Variants in RBPMS observed in about 807,000 individuals in gnomAD.
The protein encoded by RBPMS is RNA-binding protein with multiple splicing.
Under a neutral mutation model 26.8 loss-of-function variants are expected in RBPMS, and 7 were observed. The ratio of observed to expected loss-of-function variants is 0.26; its 90% confidence interval spans 0.15 to 0.49. The LOEUF is 0.49. Among genes scored for constraint, RBPMS ranks in the 20% least tolerant of loss-of-function variants. RBPMS has a pLI of 0.98. For synonymous variants in RBPMS, 96 were observed against 93.3 expected, an observed-to-expected ratio of 1.03 and a Z score of -0.17; for missense variants, 186 against 250.0, an observed-to-expected ratio of 0.74 and a Z score of 1.73.
At chr8:30,422,103 T>TTTTTA (rs1259603159) in intron 1 of RBPMS, among the ~76,000 whole-genome samples, 4 of 151,644 alleles carry the variant, frequency 2.6e-5, no homozygotes, top group Admixed American at 6.6e-5. Context: ...TTTTCTTATT[T>TTTTTA]TTTTATTTTA....
At chr8:30,422,570 T>A (rs915025293) in intron 1 of RBPMS, among the ~76,000 whole-genome samples, 16 of 152,294 alleles carry the variant, frequency 1.1e-4, no homozygotes, top group Non-Finnish European at 2.2e-4. Context: ...TCACCTGGCC[T>A]GCTGTTATTT....
chr8:30,560,382 TGA>T (rs1827356467), intron 7 of RBPMS, among the ~76,000 whole-genome samples: 1 of 152,108 alleles, frequency 6.6e-6, no homozygotes, highest in Non-Finnish European at 1.5e-5. Context: ...GTAATGGGCA[TGA>T]GAGTGTCGGA....
At chr8:30,556,184 C>G (rs963082782) in intron 6 of RBPMS, 2 of 985,420 alleles carry the variant, frequency 2.0e-6, no homozygotes, top group South Asian at 9.4e-5. Flanking sequence ...GTCCGCCACC[C>G]GCCACCACAT....
chr8:30,533,399 C>A, intron 5 of RBPMS, among the ~76,000 whole-genome samples: 1 of 152,320 alleles, frequency 6.6e-6, no homozygotes, highest in Middle Eastern at 3.4e-3. Context: ...ATTTTTAAAA[C>A]ATGAATGAAT....
At chr8:30,393,698 A>G (rs1438004326) in intron 1 of RBPMS, among the ~76,000 whole-genome samples, 3 of 151,998 alleles carry the variant, frequency 2.0e-5, no homozygotes, top group African/African-American at 4.8e-5. Context: ...TTGTATTTTT[A>G]GTAGAGACAG....
chr8:30,486,548 G>A (rs538955357), intron 4 of RBPMS, among the ~76,000 whole-genome samples: 1 of 151,900 alleles, frequency 6.6e-6, no homozygotes, highest in South Asian at 2.1e-4. Context: ...CAGGAGAATC[G>A]CTTGAACCCG....
intron 1 of RBPMS, among the ~76,000 whole-genome samples, chr8:30,389,341 C>T (rs1807499926): frequency 6.6e-6 from 1 of 152,150 alleles, no homozygotes; most frequent in African/African-American, 2.4e-5. Context: ...CTTCTTCATT[C>T]CCAGTGGCAT....
At chr8:30,411,664 G>GAAAAAAA (rs796071124) in intron 1 of RBPMS, among the ~76,000 whole-genome samples, 9 of 28,188 alleles carry the variant, frequency 3.2e-4, no homozygotes, top group South Asian at 7.5e-4. Flanking sequence ...CCCTGTCTCA[G>GAAAAAAA]AAAAAAAAAA....
intron 4 of RBPMS, among the ~76,000 whole-genome samples, chr8:30,487,351 C>G (rs552972743): frequency 6.6e-6 from 1 of 152,194 alleles, no homozygotes; most frequent in African/African-American, 2.4e-5. Context: ...AACTTTTGCT[C>G]CACAAAGCTA....
chr8:30,517,719 A>G (rs146780663), intron 5 of RBPMS, among the ~76,000 whole-genome samples: 57 of 152,370 alleles, frequency 3.7e-4, no homozygotes, highest in African/African-American at 1.3e-3. Flanking sequence ...TGTGTAAGGT[A>G]GAGCAAGTGT....
chr8:30,486,279 G>A (rs1316899092), intron 4 of RBPMS, among the ~76,000 whole-genome samples: 1 of 151,982 alleles, frequency 6.6e-6, no homozygotes, highest in East Asian at 1.9e-4. Context: ...GGCGGAGGTT[G>A]CAGTGAGCCA....
At position 30,566,239 on chromosome 8, in the gene RBPMS, G is replaced by C; in HGVS notation, c.*8-18G>C. 1.0e-6 allele frequency: 1 copy of C among 985,856 alleles called. No homozygotes were observed. Among genetic ancestry groups the C allele is most frequent in the Non-Finnish European group, 1.2e-6 (1 of 829,904 alleles). The allele number at this position is 985,856 out of a possible 1,614,324, so 61.1% of individuals were successfully genotyped here. On this transcript the variant is annotated intron_variant, in intron 7 of 8. Transcript: ENST00000397323. ...AGGTTACTGTGCACCGTTAACGGGTGATCTTTCTCCATCCCAGGTCCCAGG... is the reference window on the plus strand; with the variant it reads ...AGGTTACTGTGCACCGTTAACGGGTCATCTTTCTCCATCCCAGGTCCCAGG...
intron 4 of RBPMS, among the ~76,000 whole-genome samples, chr8:30,483,258 T>C (rs528108122): frequency 1.1e-4 from 16 of 152,312 alleles, no homozygotes; most frequent in Admixed American, 9.1e-4. Context: ...TTGGACTCTT[T>C]AGTATATGTG....
At chr8:30,501,263 C>T (rs1820524683) in intron 4 of RBPMS, among the ~76,000 whole-genome samples, 1 of 137,392 alleles carries the variant, frequency 7.3e-6, no homozygotes, top group Admixed American at 7.3e-5. Flanking sequence ...CCACCCCACC[C>T]CTGACCCCTC....
intron 4 of RBPMS, among the ~76,000 whole-genome samples, chr8:30,501,134 G>T (rs1419508535): frequency 2.0e-5 from 3 of 152,020 alleles, no homozygotes; most frequent in Non-Finnish European, 2.9e-5. Flanking sequence ...ACTACATAAA[G>T]CTGATCATAT....
chr8:30,518,989 C>T (rs1822698299), intron 5 of RBPMS, among the ~76,000 whole-genome samples: 1 of 151,998 alleles, frequency 6.6e-6, no homozygotes, highest in South Asian at 2.1e-4. Flanking sequence ...AAGTCTCTCC[C>T]TTGTGACTTT....
intron 1 of RBPMS, among the ~76,000 whole-genome samples, chr8:30,420,150 C>T (rs1810588120): frequency 1.3e-5 from 2 of 151,472 alleles, no homozygotes; most frequent in African/African-American, 4.9e-5. Flanking sequence ...ATCACTTGAG[C>T]TTGGGAGGTT....
At chr8:30,466,799 G>GGTCAGGCTGGTCTCCCATTTCCTGAC (rs1816554854) in intron 1 of RBPMS, among the ~76,000 whole-genome samples, 1 of 151,978 alleles carries the variant, frequency 6.6e-6, no homozygotes, top group South Asian at 2.1e-4. Flanking sequence ...TCACCATGTT[G>GGTCAGGCTGGTCTCCCATTTCCTGAC]GTCAGGCTGG....
chr8:30,536,366 A>G (rs920454572), intron 5 of RBPMS, among the ~76,000 whole-genome samples: 1 of 152,148 alleles, frequency 6.6e-6, no homozygotes. Context: ...ACCTCAGGTG[A>G]TCCGCCCGCC....
Sources: gnomAD v4.1 joint callset for allele counts (sites outside exome capture counted in the v4.1 genomes callset) on GRCh38, gnomAD v4.1.1 for gene constraint, MANE v1.5 for transcripts, NCBI Gene and HGNC (gene_info 2026-07-23, HGNC 2026-07-21) for gene names.